The following NUAK1 variants were observed in gnomAD, a reference collection of about 807,000 sequenced individuals.
The protein encoded by NUAK1 is NUAK family kinase 1.
Under a neutral mutation model 56.9 loss-of-function variants are expected in NUAK1, and 26 were observed. That is an observed-to-expected ratio of 0.46 (90% CI 0.33 to 0.63). NUAK1 has a LOEUF of 0.63. Among genes scored for constraint, NUAK1 ranks in the 30% least tolerant of loss-of-function variants. NUAK1 has a pLI of 0.02. For synonymous variants in NUAK1, 337 were observed against 336.0 expected, an observed-to-expected ratio of 1.00 and a Z score of -0.03; for missense variants, 727 against 876.1, an observed-to-expected ratio of 0.83 and a Z score of 2.15.
At chr12:106,101,806 G>GTTATCCCCTTTGTAAACT (rs2032751812) in intron 2 of NUAK1, among the ~76,000 whole-genome samples, 1 of 152,202 alleles carries the variant, frequency 6.6e-6, no homozygotes, top group Admixed American at 6.5e-5. Flanking sequence ...AAGGAGACCA[G>GTTATCCCCTTTGTAAACT]ATGTGGGAGG....
rs770346153 is a variant in NUAK1 at position 106,138,418 on chromosome 12, C to T, written c.236G>A (p.Arg79Gln). ...CTCCAGGATTGCCCCACTCACCACT[C>T]GGCCAGAAAACCTCTCGGTGGCCCG... The part of the protein sequence containing the change: ...VKRATERFSG[R>Q]VVAIKSIRKD... Residue 79 changes from arginine (R) to glutamine (Q), a missense_variant, in exon 1 of 7, where the codon CGA becomes CAA. Transcript: ENST00000261402. This position sits in a 1 kb window ranked among gnomAD's most constrained non-coding sequence, Gnocchi z 5.0. The T allele has an allele frequency of 3.7e-6, 6 of 1,607,294 alleles. No individual in the cohort carries two copies. Among genetic ancestry groups the T allele is most frequent in the Non-Finnish European group, 5.1e-6 (6 of 1,177,516 alleles).
chr12:106,096,019 G>C (rs774873585), intron 2 of NUAK1, among the ~76,000 whole-genome samples: 1 of 152,176 alleles, frequency 6.6e-6, no homozygotes, highest in Non-Finnish European at 1.5e-5. Flanking sequence ...AATCCCCACT[G>C]TTGTACATGG....
At chr12:106,123,470 A>G (rs2032997174) in intron 1 of NUAK1, among the ~76,000 whole-genome samples, 3 of 152,180 alleles carry the variant, frequency 2.0e-5, no homozygotes, top group African/African-American at 7.2e-5. Flanking sequence ...TTTAATAGCC[A>G]TATGTGCCCA....
intron 6 of NUAK1, 130 bp from the exon 7 acceptor site, chr12:106,068,085 G>T: frequency 1.2e-6 from 1 of 825,822 alleles, no homozygotes; most frequent in Non-Finnish European, 1.8e-6. Context: ...ACCTGGTCCA[G>T]CCACATTATG....
chr12:106,112,232 C>A (rs1485457932), intron 1 of NUAK1, among the ~76,000 whole-genome samples: 1 of 152,138 alleles, frequency 6.6e-6, no homozygotes, highest in African/African-American at 2.4e-5. Context: ...CTGCCATTCA[C>A]AAGGTGTGAT....
At chr12:106,132,122 T>TATAC (rs1392125890) in intron 1 of NUAK1, among the ~76,000 whole-genome samples, 1 of 152,244 alleles carries the variant, frequency 6.6e-6, no homozygotes, top group Non-Finnish European at 1.5e-5. Flanking sequence ...AAACCCTGGA[T>TATAC]ATACGTCTCT....
chr12:106,080,817 GC>G (rs2032510247), intron 4 of NUAK1, among the ~76,000 whole-genome samples: 1 of 152,218 alleles, frequency 6.6e-6, no homozygotes, highest in Non-Finnish European at 1.5e-5. Context: ...GGATCTTGCT[GC>G]TCATGTCCCG....
chr12:106,097,316 G>A (rs1163140721), intron 2 of NUAK1, among the ~76,000 whole-genome samples: 1 of 152,174 alleles, frequency 6.6e-6, no homozygotes, highest in African/African-American at 2.4e-5. Flanking sequence ...ATGCAAAACT[G>A]ATTGTGGTTT....
intron 3 of NUAK1, among the ~76,000 whole-genome samples, chr12:106,084,491 C>A (rs1465747908): frequency 1.3e-5 from 2 of 152,238 alleles, no homozygotes; most frequent in Non-Finnish European, 2.9e-5. Context: ...AAGTCCCTCT[C>A]TGCTCAGCAG....
intron 4 of NUAK1, among the ~76,000 whole-genome samples, chr12:106,082,984 T>C (rs2032533729): frequency 6.6e-6 from 1 of 152,164 alleles, no homozygotes; most frequent in Admixed American, 6.5e-5. Context: ...TGCAGCGAGC[T>C]CCGTTTATTT....
intron 1 of NUAK1, among the ~76,000 whole-genome samples, chr12:106,124,107 G>A (rs529453298): frequency 7.2e-5 from 11 of 152,234 alleles, no homozygotes; most frequent in African/African-American, 1.9e-4. Context: ...AAGCAAAGGG[G>A]TTGGGGGAAA....
In NUAK1 at chr12:106,100,198, AAAATG is replaced by A. The variant is rs1484648550; in HGVS notation, c.361+6202_361+6206del. On this transcript the variant is annotated intron_variant, in intron 2 of 6. Transcript: ENST00000261402. ...GTATTATTTTAAAGGTATAAATCAA[AAAATG>A]CTACTTCCTCCTTTTAGCAGTTTCC... Among the ~76,000 whole-genome samples the A allele has an allele frequency of 2.0e-4, 30 of 151,802 alleles. No homozygotes were observed. In the East Asian group the frequency reaches 3.5e-3, roughly 18 times the overall value.
chr12:106,083,781 G>C, intron 4 of NUAK1, 83 bp downstream of exon 4: 1 of 1,221,702 alleles, frequency 8.2e-7, no homozygotes, highest in Non-Finnish European at 1.2e-6. Flanking sequence ...CTTATTTCCA[G>C]GCTGCGGCTT....
At chr12:106,122,143 C>T (rs141152278) in intron 1 of NUAK1, among the ~76,000 whole-genome samples, 329 of 152,240 alleles carry the variant, frequency 2.2e-3, no homozygotes, top group Non-Finnish European at 3.6e-3. Context: ...TCCTTGGGGG[C>T]AGGGGTGGAT....
At chr12:106,133,597 T>C (rs1157020809) in intron 1 of NUAK1, among the ~76,000 whole-genome samples, 1 of 152,228 alleles carries the variant, frequency 6.6e-6, no homozygotes, top group Non-Finnish European at 1.5e-5. Context: ...GGTCTCACTA[T>C]TTTACACCTC....
At chr12:106,104,046 C>G (rs1327755324) in intron 2 of NUAK1, 1 of 151,780 alleles carries the variant, frequency 6.6e-6, no homozygotes, top group Non-Finnish European at 1.5e-5. Context: ...AGCACTCTTT[C>G]CATACTGCCT....
At chr12:106,130,832 G>A (rs913183200) in intron 1 of NUAK1, among the ~76,000 whole-genome samples, 3 of 152,174 alleles carry the variant, frequency 2.0e-5, no homozygotes, top group African/African-American at 7.2e-5. Context: ...TGTACCTACT[G>A]TGTGCCAGGC....
At chr12:106,104,683 G>C (rs186577634) in intron 2 of NUAK1, among the ~76,000 whole-genome samples, 21 of 152,182 alleles carry the variant, frequency 1.4e-4, no homozygotes, top group Admixed American at 1.2e-3. Context: ...AGATAGAATG[G>C]ATAAAAATTT....
At chr12:106,117,457 G>A (rs1331262458) in intron 1 of NUAK1, among the ~76,000 whole-genome samples, 1 of 152,114 alleles carries the variant, frequency 6.6e-6, no homozygotes, top group Non-Finnish European at 1.5e-5. Flanking sequence ...TCCAAAAAAA[G>A]CCAAGGCAGT....
Sources: allele counts gnomAD v4.1 joint callset (sites outside exome capture counted in the v4.1 genomes callset), GRCh38; gene constraint gnomAD v4.1.1; non-coding constraint Gnocchi (gnomAD v3.1); transcripts MANE v1.5; gene names NCBI Gene and HGNC (gene_info 2026-07-23, HGNC 2026-07-21).